CTNNA3: variants seen among roughly 807,000 people sequenced by gnomAD.
CTNNA3 encodes catenin alpha-3.
In CTNNA3, 76 loss-of-function variants were observed where a neutral mutation model predicts 95.7. The ratio of observed to expected loss-of-function variants is 0.79; its 90% CI spans 0.66 to 0.96. CTNNA3 has a LOEUF of 0.96. CTNNA3 is among the 40% of genes least tolerant of loss of function. CTNNA3 has a pLI of 0.00. For missense variants in CTNNA3, 1,191 were observed against 1,089.8 expected (o/e 1.09, Z -1.31); for synonymous variants, 431 against 374.4 (o/e 1.15, Z -1.74).
chr10:67,683,181 TA>T, intron 1 of CTNNA3, among the ~76,000 whole-genome samples: 1 of 152,330 alleles, frequency 6.6e-6, no homozygotes, highest in South Asian at 2.1e-4. Context: ...AAAAGCAAGT[TA>T]ATCCTGCAAA....
chr10:67,655,259 T>C (rs1839988715), intron 1 of CTNNA3, among the ~76,000 whole-genome samples: 1 of 152,224 alleles, frequency 6.6e-6, no homozygotes. Context: ...CAAAAGTATC[T>C]TTGGGCTTCA....
At chr10:67,384,718 TATG>T (rs1479869338) in intron 5 of CTNNA3, among the ~76,000 whole-genome samples, 4 of 152,200 alleles carry the variant, frequency 2.6e-5, no homozygotes, top group African/African-American at 9.6e-5. Flanking sequence ...AGGAAGCTCG[TATG>T]ACTCAGTTTA....
chr10:66,053,285 T>C (rs1226557982), intron 15 of CTNNA3, among the ~76,000 whole-genome samples: 1 of 152,082 alleles, frequency 6.6e-6, no homozygotes. Context: ...AAAGAAATGA[T>C]ATTCAGTTAA....
At position 66,379,143 on chromosome 10, in the gene CTNNA3, C is replaced by T; in HGVS notation, c.1732+9G>A. 2 of 1,609,188 alleles carry T rather than the reference C, an allele frequency of 1.2e-6. No individual in the cohort carries two copies. Among genetic ancestry groups the T allele is most frequent in the Non-Finnish European group, 1.7e-6 (2 of 1,175,544 alleles). ...GAAATTGTGCAGCTGTTATTGGCAA[C>T]TGACTTACCAGTACTTGTAAGGAAG... is the stretch of plus-strand genomic sequence containing the variant. On this transcript the variant is annotated intron_variant, in intron 12 of 17. Coordinates refer to ENST00000433211, the MANE Select transcript of CTNNA3 (RefSeq NM_013266.4).
At chr10:67,583,562 T>A (rs1195623966) in intron 3 of CTNNA3, among the ~76,000 whole-genome samples, 1 of 152,190 alleles carries the variant, frequency 6.6e-6, no homozygotes, top group Non-Finnish European at 1.5e-5. Context: ...TTGAGTAGTA[T>A]CTTTGTGGTG....
At chr10:67,005,793 C>T (rs1851951059) in intron 7 of CTNNA3, among the ~76,000 whole-genome samples, 2 of 146,032 alleles carry the variant, frequency 1.4e-5, no homozygotes, top group Admixed American at 1.4e-4. Context: ...TCAAGTGATT[C>T]TCCTGCCTCA....
chr10:67,735,146 AACAC>A (rs200624685), intron 1 of CTNNA3, among the ~76,000 whole-genome samples: 241 of 85,860 alleles, frequency 2.8e-3, no homozygotes, highest in Admixed American at 3.5e-3. Flanking sequence ...CACACACACA[AACAC>A]ACACACACAC....
intron 7 of CTNNA3, among the ~76,000 whole-genome samples, chr10:66,852,616 C>T (rs10822929): frequency 0.58 from 87,791 of 151,890 alleles, 26,408 homozygotes; most frequent in Non-Finnish European, 0.63. Flanking sequence ...ACTGGGGAGA[C>T]GCATGAAGAA....
intron 5 of CTNNA3, among the ~76,000 whole-genome samples, chr10:67,376,668 C>T (rs1022513949): frequency 3.9e-5 from 6 of 152,064 alleles, no homozygotes; most frequent in South Asian, 2.1e-4. Flanking sequence ...TAAGTTAGGA[C>T]GTAGACAAAA....
intron 1 of CTNNA3, among the ~76,000 whole-genome samples, chr10:67,701,202 C>T (rs1841036727): frequency 6.6e-6 from 1 of 152,192 alleles, no homozygotes; most frequent in African/African-American, 2.4e-5. Context: ...AAACACTCTG[C>T]AGGATATTAT....
intron 3 of CTNNA3, 122 bp from the exon 4 acceptor site, chr10:67,539,791 G>A: frequency 3.7e-6 from 3 of 819,214 alleles, no homozygotes; most frequent in Non-Finnish European, 5.6e-6. Flanking sequence ...AATATTGTCA[G>A]TTGACAATTT....
intron 7 of CTNNA3, among the ~76,000 whole-genome samples, chr10:66,853,183 GC>G (rs2132387336): frequency 6.6e-6 from 1 of 152,162 alleles, no homozygotes; most frequent in South Asian, 2.1e-4. Flanking sequence ...TTGAACCATG[GC>G]CATGCTCTTT....
intron 1 of CTNNA3, among the ~76,000 whole-genome samples, chr10:67,677,594 A>G (rs1840557762): frequency 2.0e-5 from 3 of 152,190 alleles, no homozygotes; most frequent in Non-Finnish European, 1.5e-5. Context: ...TCAAAAAGTC[A>G]GCTTGCACCC....
intron 16 of CTNNA3, among the ~76,000 whole-genome samples, chr10:65,978,147 G>A (rs1361148260): frequency 6.6e-6 from 1 of 150,968 alleles, no homozygotes; most frequent in South Asian, 2.1e-4. Flanking sequence ...CTCCTTTTTT[G>A]TTTATGAATA....
chr10:66,111,166 C>T (rs1294344904), intron 13 of CTNNA3, among the ~76,000 whole-genome samples: 1 of 152,232 alleles, frequency 6.6e-6, no homozygotes, highest in Admixed American at 6.5e-5. Flanking sequence ...TTGCTCTTCT[C>T]ATGATAGTGA....
chr10:66,114,057 CTT>C (rs763153751), intron 13 of CTNNA3, among the ~76,000 whole-genome samples: 17 of 152,252 alleles, frequency 1.1e-4, no homozygotes, highest in Non-Finnish European at 2.4e-4. Flanking sequence ...ACCTTCAACT[CTT>C]ATGTCTGAAT....
chr10:67,603,388 T>TA (rs1843150092), intron 3 of CTNNA3, among the ~76,000 whole-genome samples: 1 of 152,194 alleles, frequency 6.6e-6, no homozygotes, highest in Admixed American at 6.5e-5. Context: ...AGTAACATTG[T>TA]AGTGCAACGC....
intron 11 of CTNNA3, among the ~76,000 whole-genome samples, chr10:66,472,402 G>T (rs1285927354): frequency 6.6e-6 from 1 of 151,796 alleles, no homozygotes; most frequent in South Asian, 2.1e-4. Context: ...GGAAAATCAG[G>T]GATATAAGAA....
intron 5 of CTNNA3, among the ~76,000 whole-genome samples, chr10:67,367,462 T>A (rs1345762308): frequency 1.3e-5 from 2 of 152,006 alleles, no homozygotes; most frequent in East Asian, 3.9e-4. Flanking sequence ...CTATAAACTG[T>A]TTGTGGGAAT....
Sources: gnomAD v4.1 joint callset for allele counts (sites outside exome capture counted in the v4.1 genomes callset) on GRCh38, gnomAD v4.1.1 for gene constraint, MANE v1.5 for transcripts, NCBI Gene and HGNC (gene_info 2026-07-23, HGNC 2026-07-21) for gene names.